SLC25A45: variants seen among roughly 807,000 people sequenced by gnomAD.
SLC25A45 encodes the protein methylated amino-acid transporter SLC25A45.
SLC25A45 carries 22 observed loss-of-function variants against 23.0 expected under a neutral mutation model. That is an observed-to-expected ratio of 0.95 (90% CI 0.68 to 1.36). The LOEUF (loss-of-function observed/expected upper bound fraction) is 1.36, where lower values mean the gene tolerates loss of function less well. Ranked by LOEUF, SLC25A45 falls within the 40% of genes most tolerant of loss-of-function variation. The pLI is 0.00. For missense variants in SLC25A45, 355 were observed against 383.5 expected, an observed-to-expected ratio of 0.93 and a Z score of 0.62; for synonymous variants, 136 against 155.0, an observed-to-expected ratio of 0.88 and a Z score of 0.91.
chr11:65,376,256 G>T lies in SLC25A45; in HGVS notation c.*151C>A. The stretch of plus-strand genomic sequence containing the variant: ...TGGCTTCCGGCTCCCACAGGTGTCT[G>T]CCCAGCCCAGATCTGCGCGGGTGGG... On this transcript the variant is annotated 3_prime_UTR_variant, in exon 7 of 7. Transcript: ENST00000398802. 1 of 984,426 alleles carries T rather than the reference G, an allele frequency of 1.0e-6. No homozygotes were observed. The highest frequency in any genetic ancestry group is 1.5e-6 in the Non-Finnish European group (1 of 673,270). 61.0% of individuals were successfully genotyped at this position (984,426 alleles called of 1,614,324 possible).
chr11:65,378,271 C>T (rs905058653), intron 5 of SLC25A45: 1 of 152,216 alleles, frequency 6.6e-6, no homozygotes, highest in African/African-American at 2.4e-5. Flanking sequence ...ACCAGGGCAA[C>T]GTCTGTGCCC....
chr11:65,379,202 C>T (rs1033346851), intron 5 of SLC25A45, 174 bp downstream of exon 5: 40 of 709,478 alleles, frequency 5.6e-5, no homozygotes, highest in Middle Eastern at 4.0e-4. Context: ...CCCTCTGTTC[C>T]CCACAGCCCT....
In SLC25A45 at chr11:65,376,912, C is replaced by T; in HGVS notation, c.504G>A (p.Trp168Ter). The T allele has an allele frequency of 6.2e-7, 1 of 1,613,924 alleles. No homozygotes were observed. Among genetic ancestry groups the T allele is most frequent in the African/African-American group, 1.3e-5 (1 of 75,042 alleles). The part of the protein sequence containing the change: ...EGPRGLFRGA[W>*]ALTLRDTPTV... ...TGGGGGTGTCCCTCAGCGTCAGGGCCCAGGCTCCTCGGAACAGCCCCCGGG... is the reference window on the plus strand; with the variant it reads ...TGGGGGTGTCCCTCAGCGTCAGGGCTCAGGCTCCTCGGAACAGCCCCCGGG... Residue 168 changes from tryptophan (W) to a stop codon, truncating the protein, a stop_gained, in exon 6 of 7, where the codon TGG (tryptophan) becomes TGA (stop). Coordinates refer to ENST00000398802, the MANE Select transcript of SLC25A45 (RefSeq NM_182556.4). LOFTEE classifies it high-confidence loss of function.
At position 65,379,411 on chromosome 11, in the gene SLC25A45, T is replaced by C; in HGVS notation, c.304A>G (p.Ile102Val). Residue 102 changes from isoleucine (I) to valine (V), a missense_variant, in exon 5 of 7, where the codon ATC becomes GTC. Ile to Val is a conservative substitution (Grantham distance 29). Coordinates refer to ENST00000398802, the MANE Select transcript of SLC25A45 (RefSeq NM_182556.4). ...RRAQPPSYMH[I>V]FLAGCTGGFL... ...CCCCCGGTGCAGCCCGCTAGGAAGA[T>C]GTGCATGTAGCTGGGCGGCTGGGCC... 3 of 1,612,640 alleles carry C rather than the reference T, an allele frequency of 1.9e-6. No homozygotes were observed. The highest frequency in any genetic ancestry group is 1.3e-5 in the African/African-American group (1 of 75,016).
chr11:65,380,885 A>C (rs556429786), intron 2 of SLC25A45: 3 of 289,426 alleles, frequency 1.0e-5, no homozygotes, highest in South Asian at 8.6e-5. Context: ...GCAGAGGCCC[A>C]GAGGGGACTC....
chr11:65,380,272 G>T (rs1018520637), intron 2 of SLC25A45, 97 bp from the exon 3 acceptor site: 3 of 1,567,030 alleles, frequency 1.9e-6, no homozygotes, highest in Non-Finnish European at 2.6e-6. Context: ...GCAGGAGGAA[G>T]GAGAGCAGGG....
At chr11:65,379,112 C>T (rs1221835806) in intron 5 of SLC25A45, 12 of 478,922 alleles carry the variant, frequency 2.5e-5, no homozygotes, top group Non-Finnish European at 4.1e-5. Context: ...GGGCAAGCCC[C>T]GTCAGCTGGA....
chr11:65,378,934 C>T (rs1479371063), intron 5 of SLC25A45: 3 of 172,222 alleles, frequency 1.7e-5, no homozygotes, highest in African/African-American at 7.2e-5. Flanking sequence ...GCACTGCAGG[C>T]AAAGTGTAGA....
intron 2 of SLC25A45, chr11:65,381,702 G>T: frequency 1.8e-6 from 1 of 560,838 alleles, no homozygotes; most frequent in Middle Eastern, 5.1e-4. Flanking sequence ...CTACAGGTGT[G>T]AGCCACCATG....
upstream of SLC25A45, chr11:65,383,692 C>G (rs1310456300): frequency 7.4e-6 from 1 of 135,346 alleles, no homozygotes; most frequent in African/African-American, 2.7e-5. Context: ...CGAGAGGCAG[C>G]TGTTGCAGTG....
Position 65,379,532 on chromosome 11 carries a change from G to A in SLC25A45, c.183C>T (p.Phe61=), listed in dbSNP as rs1397461370. The A allele has an allele frequency of 6.2e-7, 1 of 1,612,322 alleles. No homozygotes were observed. Among genetic ancestry groups the A allele is most frequent in the Non-Finnish European group, 8.5e-7 (1 of 1,178,690 alleles). Reference sequence around the variant, plus strand: ...TGACCACAGCTATGCTGGCAATGGGGAAGCTCATTCCCTTGAAGAAGCCCA... The same window carrying A: ...TGACCACAGCTATGCTGGCAATGGGAAAGCTCATTCCCTTGAAGAAGCCCA... ...SLLGFFKGMS[F]PIASIAVVNS... is the part of the protein sequence containing the mutation. The change falls in exon 5 of 7, where the codon TTC becomes TTT. Residue 61 remains phenylalanine (F), a synonymous_variant. Coordinates refer to ENST00000398802, the MANE Select transcript of SLC25A45 (RefSeq NM_182556.4).
chr11:65,376,777 C>A (rs1254484954), intron 6 of SLC25A45, 41 bp downstream of exon 6: 1 of 1,614,054 alleles, frequency 6.2e-7, no homozygotes, highest in African/African-American at 1.3e-5. Flanking sequence ...TGCCTGCTAC[C>A]CACACCTCTG....
At chr11:65,379,741 C>T in intron 4 of SLC25A45, 126 bp downstream of exon 4, 7 of 1,361,582 alleles carry the variant, frequency 5.1e-6, no homozygotes, top group Non-Finnish European at 7.1e-6. Context: ...ACCCAGGCCC[C>T]CCAAGGATCC....
chr11:65,377,029 G>GT lies in SLC25A45; in HGVS notation c.386dup (p.Asn129LysfsTer58). 1 of 1,614,048 alleles carries GT rather than the reference G, an allele frequency of 6.2e-7. No homozygotes were observed. The highest frequency in any genetic ancestry group is 1.1e-5 in the South Asian group (1 of 91,076). On this transcript the variant is annotated frameshift_variant, in exon 6 of 7. Coordinates refer to ENST00000398802, the MANE Select transcript of SLC25A45 (RefSeq NM_182556.4). LOFTEE classifies it high-confidence loss of function. Reference sequence around the variant, plus strand: ...CTGGCTGGGCCCTTGGCTCTGTCTGGTTTTGTAGCCGGACTTTGATGAGGT... The same window carrying GT: ...CTGGCTGGGCCCTTGGCTCTGTCTGGTTTTTGTAGCCGGACTTTGATGAGGT...
Position 65,382,417 on chromosome 11 carries a change from G to T in SLC25A45, c.-19+69C>A, listed in dbSNP as rs1018810707. Reference sequence around the variant, plus strand: ...GTGCGGAGGTAGCGTGGCCACCAGGGGGTAGGCCCAGCCCGCATTTGCCGC... The same window carrying T: ...GTGCGGAGGTAGCGTGGCCACCAGGTGGTAGGCCCAGCCCGCATTTGCCGC... On this transcript the variant is annotated intron_variant, in intron 1 of 6. Transcript: ENST00000398802. The surrounding 1 kb of genome is among the most constrained non-coding windows in gnomAD (Gnocchi z 4.4). 70 of 192,628 alleles carry T rather than the reference G, an allele frequency of 3.6e-4. No homozygotes were observed. The highest frequency in any genetic ancestry group is 2.8e-3 in the East Asian group (22 of 7,934). 11.9% of individuals were successfully genotyped at this position (192,628 alleles called of 1,614,324 possible).
In SLC25A45 at chr11:65,379,903, G is replaced by A. The variant is rs753867217; in HGVS notation, c.117C>T (p.Ile39=). Residue 39 remains isoleucine, a synonymous_variant, in exon 4 of 7, where the codon ATC becomes ATT. Coordinates refer to ENST00000398802, the MANE Select transcript of SLC25A45 (RefSeq NM_182556.4). The part of the protein sequence containing the change: ...RLQTQTTYRG[I]VDCMVKIYRH... The stretch of plus-strand genomic sequence containing the variant: ...GGTAAATCTTGACCATGCAATCAAC[G>A]ATGCCCCGGTAGGTGGTCTGGGTCT... The A allele has an allele frequency of 1.4e-5, 23 of 1,614,092 alleles. No homozygotes were observed. The South Asian group carries it at 1.5e-4, about 11-fold the overall frequency.
chr11:65,379,995 C>T, intron 3 of SLC25A45, 57 bp from the exon 4 acceptor site: 12 of 1,605,040 alleles, frequency 7.5e-6, no homozygotes, highest in Non-Finnish European at 1.0e-5. Flanking sequence ...GCCAACCTTT[C>T]CCTCTGCCCC....
chr11:65,375,693 T>C lies in SLC25A45; in HGVS notation c.*714A>G, dbSNP rs993626518. On this transcript the variant is annotated 3_prime_UTR_variant, in exon 7 of 7. Coordinates refer to ENST00000398802, the MANE Select transcript of SLC25A45 (RefSeq NM_182556.4). ...GGAGACATAGGGTTATCCTGGGTCA[T>C]GGGGGAGAGAGCTTTGAAAGGCAGG... 1 of 152,018 alleles carries C rather than the reference T, an allele frequency of 6.6e-6. No homozygotes were observed. Among genetic ancestry groups the C allele is most frequent in the Non-Finnish European group, 1.5e-5 (1 of 68,094 alleles). The allele number at this position is 152,018 out of a possible 1,614,324, so 9.4% of individuals were successfully genotyped here.
chr11:65,376,089 AAAAG>A lies in SLC25A45; in HGVS notation c.*314_*317del. On this transcript the variant is annotated 3_prime_UTR_variant, in exon 7 of 7. Transcript: ENST00000398802. ...CATCTCAAAAAAAAAAAAAAAAAAA[AAAAG>A]AGGTGAAGGCACAGGACAGGAGCTG... 1 of 313,286 alleles carries A rather than the reference AAAAG, an allele frequency of 3.2e-6. No individual in the cohort carries two copies. The highest frequency in any genetic ancestry group is 5.9e-5 in the East Asian group (1 of 17,046). 19.4% of individuals were successfully genotyped at this position (313,286 alleles called of 1,614,324 possible). A position where few individuals can be genotyped will look rare whatever the true frequency, so the allele number is the denominator to read the frequency against.
Sources: gnomAD v4.1 joint callset for allele counts on GRCh38, gnomAD v4.1.1 for gene constraint, Gnocchi (gnomAD v3.1) non-coding constraint, MANE v1.5 for transcripts, NCBI Gene and HGNC (gene_info 2026-07-23, HGNC 2026-07-21) for gene names.